Variants in UNC13C observed in about 807,000 individuals in gnomAD.
The protein encoded by UNC13C is protein unc-13 homolog C.
Under a neutral mutation model 245.4 loss-of-function variants are expected in UNC13C, and 174 were observed. The ratio of observed to expected loss-of-function variants is 0.71; its 90% CI spans 0.63 to 0.80. The LOEUF is 0.80. Among genes scored for constraint, UNC13C ranks in the 30% least tolerant of loss-of-function variants. The pLI is 0.00. For missense variants in UNC13C, 2,829 were observed against 2,602.9 expected (o/e 1.09, Z -1.89); for synonymous variants, 992 against 895.1 (o/e 1.11, Z -1.93).
chr15:54,050,127 G>A (rs1026772007), intron 2 of UNC13C: 5 of 341,336 alleles, frequency 1.5e-5, no homozygotes, highest in Admixed American at 1.1e-4. Context: ...CCGCCACCAC[G>A]CCCGGCTATT....
At chr15:54,493,572 C>T (rs522983) in intron 19 of UNC13C, among the ~76,000 whole-genome samples, 90,249 of 151,808 alleles carry the variant, frequency 0.59, 26,990 homozygotes, top group East Asian at 0.79. Context: ...TTTATAACAA[C>T]CTAATTCTTC....
chr15:54,395,636 G>T (rs370939259), intron 18 of UNC13C, among the ~76,000 whole-genome samples: 1 of 151,758 alleles, frequency 6.6e-6, no homozygotes, highest in East Asian at 1.9e-4. Flanking sequence ...TAAAACATAG[G>T]ACATTTTAAA....
chr15:53,991,728 A>C (rs1209831474), intron 1 of UNC13C, among the ~76,000 whole-genome samples: 3 of 152,078 alleles, frequency 2.0e-5, no homozygotes, highest in Non-Finnish European at 4.4e-5. Context: ...CCAATGTTGC[A>C]ACTTATTATG....
the UNC13C span, among the ~76,000 whole-genome samples, chr15:53,842,480 T>C: frequency 0.86 from 130,575 of 152,050 alleles, 58,364 homozygotes; most frequent in Middle Eastern, 0.99. Flanking sequence ...CTGATTAGAG[T>C]TCTGCATTCT....
intron 30 of UNC13C, among the ~76,000 whole-genome samples, chr15:54,569,128 T>C (rs893045862): frequency 6.6e-6 from 1 of 152,176 alleles, no homozygotes; most frequent in African/African-American, 2.4e-5. Context: ...AATAGTGTTG[T>C]AGCTTTACTC....
At chr15:54,335,789 A>G (rs1230999811) in intron 16 of UNC13C, among the ~76,000 whole-genome samples, 3 of 152,114 alleles carry the variant, frequency 2.0e-5, no homozygotes, top group African/African-American at 7.2e-5. Context: ...GTTATTTACA[A>G]TTTTGGTTTC....
At chr15:54,133,204 T>C (rs1437243409) in intron 2 of UNC13C, among the ~76,000 whole-genome samples, 2 of 152,120 alleles carry the variant, frequency 1.3e-5, no homozygotes, top group African/African-American at 4.8e-5. Context: ...ATTTTACTTA[T>C]ATATGAAGGA....
At chr15:54,376,035 A>G (rs1157280927) in intron 17 of UNC13C, among the ~76,000 whole-genome samples, 1 of 152,150 alleles carries the variant, frequency 6.6e-6, no homozygotes, top group Non-Finnish European at 1.5e-5. Flanking sequence ...ATTTTTTATT[A>G]GAGTCAGAGA....
chr15:54,501,441 T>C (rs1303388174), intron 22 of UNC13C, among the ~76,000 whole-genome samples: 1 of 152,200 alleles, frequency 6.6e-6, no homozygotes, highest in Non-Finnish European at 1.5e-5. Flanking sequence ...TTTTTATGAA[T>C]TTAGTTTTCA....
intron 2 of UNC13C, among the ~76,000 whole-genome samples, chr15:54,060,392 GA>G (rs1459129968): frequency 6.6e-6 from 1 of 152,116 alleles, no homozygotes; most frequent in Non-Finnish European, 1.5e-5. Flanking sequence ...GGCCATCAGA[GA>G]AATGCAAATC....
the UNC13C span, among the ~76,000 whole-genome samples, chr15:53,864,405 C>G: frequency 6.6e-6 from 1 of 152,172 alleles, no homozygotes; most frequent in Non-Finnish European, 1.5e-5. Flanking sequence ...CCTCAGTTTA[C>G]TCTTTCTCAA....
At chr15:54,143,827 A>G (rs553690833) in intron 4 of UNC13C, 143 bp downstream of exon 4, 66 of 566,758 alleles carry the variant, frequency 1.2e-4, no homozygotes, top group South Asian at 1.0e-3. Context: ...TTGACATTAT[A>G]GTGTTTTCTT....
At chr15:54,576,240 GGTAA>G (rs780101361) in intron 30 of UNC13C, among the ~76,000 whole-genome samples, 2 of 152,164 alleles carry the variant, frequency 1.3e-5, no homozygotes, top group Admixed American at 6.5e-5. Flanking sequence ...TGGTCAAGTA[GGTAA>G]GTGACAGGGA....
At chr15:54,050,394 A>G (rs1157383624) in intron 2 of UNC13C, 8 of 557,734 alleles carry the variant, frequency 1.4e-5, no homozygotes, top group South Asian at 2.8e-5. Flanking sequence ...CTTGATAAGT[A>G]TATTTTCTGG....
intron 27 of UNC13C, among the ~76,000 whole-genome samples, chr15:54,548,167 T>G (rs1478579225): frequency 6.6e-6 from 1 of 151,704 alleles, no homozygotes; most frequent in Non-Finnish European, 1.5e-5. Flanking sequence ...CTCAGCCCAC[T>G]TTTGAACTCT....
chr15:53,911,529 C>A, the UNC13C span: 2 of 152,318 alleles, frequency 1.3e-5, no homozygotes, highest in South Asian at 4.1e-4. Flanking sequence ...CTGGCAGCGT[C>A]TGAAGGAGCT....
chr15:54,360,976 T>A (rs534515275), intron 17 of UNC13C, among the ~76,000 whole-genome samples: 89 of 152,280 alleles, frequency 5.8e-4, no homozygotes, highest in African/African-American at 2.1e-3. Context: ...AATCTCTGTG[T>A]TTCTTGTACC....
intron 13 of UNC13C, among the ~76,000 whole-genome samples, chr15:54,315,198 G>C (rs1471351944): frequency 6.6e-6 from 1 of 151,784 alleles, no homozygotes; most frequent in African/African-American, 2.4e-5. Context: ...GCTAGATATT[G>C]TACCAATCAA....
the UNC13C span, among the ~76,000 whole-genome samples, chr15:53,883,604 C>T: frequency 6.6e-6 from 1 of 152,116 alleles, no homozygotes; most frequent in Admixed American, 6.5e-5. Context: ...GATGTTGGTT[C>T]CTTTATTGCT....
Sources: gnomAD v4.1 joint callset for allele counts (sites outside exome capture counted in the v4.1 genomes callset) on GRCh38, gnomAD v4.1.1 for gene constraint, MANE v1.5 for transcripts, NCBI Gene and HGNC (gene_info 2026-07-23, HGNC 2026-07-21) for gene names.